LRBA: variants seen among roughly 807,000 people sequenced by gnomAD.
The protein encoded by LRBA is LPS responsive beige-like anchor protein.
LRBA carries 176 observed loss-of-function variants against 330.0 expected under a neutral mutation model. The observed-to-expected ratio is 0.53, with a 90% confidence interval of 0.47 to 0.60. The LOEUF is 0.60. Ranked by LOEUF, LRBA falls within the 20% of genes least tolerant of loss-of-function variation. LRBA has a pLI of 0.00. For synonymous variants in LRBA, 1,230 were observed against 1,193.0 expected, an observed-to-expected ratio of 1.03 and a Z score of -0.64; for missense variants, 3,259 against 3,444.8, an observed-to-expected ratio of 0.95 and a Z score of 1.35.
At chr4:150,591,557 G>T (rs542663385) in intron 38 of LRBA, among the ~76,000 whole-genome samples, 1 of 152,226 alleles carries the variant, frequency 6.6e-6, no homozygotes, top group African/African-American at 2.4e-5. Flanking sequence ...AAACTAAGTG[G>T]AAGCTCAAAC....
chr4:150,452,473 T>A (rs558798466), intron 44 of LRBA, among the ~76,000 whole-genome samples: 1 of 151,936 alleles, frequency 6.6e-6, no homozygotes, highest in African/African-American at 2.4e-5. Context: ...AATACAAAAA[T>A]TAGCCGCGTG....
At chr4:150,538,620 A>G (rs1764948763) in intron 40 of LRBA, among the ~76,000 whole-genome samples, 1 of 152,044 alleles carries the variant, frequency 6.6e-6, no homozygotes, top group Non-Finnish European at 1.5e-5. Flanking sequence ...GGAACAAGAG[A>G]GATTAGAGAC....
At chr4:150,413,081 T>A (rs1243033065) in intron 47 of LRBA, among the ~76,000 whole-genome samples, 1 of 151,802 alleles carries the variant, frequency 6.6e-6, no homozygotes. Context: ...AGAAAATATA[T>A]ATATATATGA....
intron 37 of LRBA, among the ~76,000 whole-genome samples, chr4:150,617,452 G>T (rs538061948): frequency 1.3e-5 from 2 of 152,182 alleles, no homozygotes; most frequent in East Asian, 3.9e-4. Flanking sequence ...GACCAGGCTG[G>T]CCAACATGGT....
chr4:150,619,480 C>CT (rs1273913022), intron 37 of LRBA, among the ~76,000 whole-genome samples: 1 of 152,094 alleles, frequency 6.6e-6, no homozygotes, highest in African/African-American at 2.4e-5. Context: ...GTTATAAACA[C>CT]TTTTCCTAAC....
At chr4:150,874,607 T>A (rs577457117) in intron 17 of LRBA, among the ~76,000 whole-genome samples, 2 of 152,200 alleles carry the variant, frequency 1.3e-5, no homozygotes, top group Admixed American at 1.3e-4. Flanking sequence ...GGAACCAGTC[T>A]GCATGTGTCA....
rs565906864 is a variant in LRBA, at chr4:150,676,764, T to C, written c.5921+6787A>G. ...GAATACTTCTGAAAATTTCTGGTTATAGCAAAAATTACTACAGAGACTTAA... is the reference window on the plus strand; with the variant it reads ...GAATACTTCTGAAAATTTCTGGTTACAGCAAAAATTACTACAGAGACTTAA... On this transcript the variant is annotated intron_variant, in intron 37 of 56. Transcript: ENST00000651943. Among the ~76,000 whole-genome samples, 26 of 152,324 alleles carry C rather than the reference T, an allele frequency of 1.7e-4. No individual in the cohort carries two copies. In the South Asian group the frequency reaches 4.3e-3, roughly 25 times the overall value.
intron 37 of LRBA, among the ~76,000 whole-genome samples, chr4:150,654,337 C>A (rs1779975321): frequency 6.6e-6 from 1 of 152,042 alleles, no homozygotes; most frequent in African/African-American, 2.4e-5. Context: ...CAAGTGCCTG[C>A]CACCATGCCT....
chr4:150,892,198 T>G (rs1729541753), intron 17 of LRBA, among the ~76,000 whole-genome samples: 1 of 152,246 alleles, frequency 6.6e-6, no homozygotes, highest in Non-Finnish European at 1.5e-5. Context: ...CTTGCCCACT[T>G]TCTCATTAAA....
At chr4:150,477,468 GA>G (rs1160449776) in intron 42 of LRBA, among the ~76,000 whole-genome samples, 1 of 152,026 alleles carries the variant, frequency 6.6e-6, no homozygotes, top group Non-Finnish European at 1.5e-5. Flanking sequence ...GGAGAACCAA[GA>G]AAAAATTAAA....
chr4:150,822,388 T>C (rs1251869464), intron 30 of LRBA, among the ~76,000 whole-genome samples: 1 of 152,220 alleles, frequency 6.6e-6, no homozygotes, highest in Non-Finnish European at 1.5e-5. Context: ...AATGTAACTA[T>C]ATTAACATAT....
rs761898714 is a variant in LRBA at position 150,959,751 on chromosome 4, CAT to C, written c.217-30688_217-30687del. ...TATATAATATTTATATAATATGTAA[CAT>C]AGTGTAAATCTAATATACTTATTAT... On this transcript the variant is annotated intron_variant, in intron 2 of 56. Coordinates refer to ENST00000651943, the MANE Select transcript of LRBA (RefSeq NM_001364905.1). Among the ~76,000 whole-genome samples, 150 of 145,102 alleles carry C rather than the reference CAT, an allele frequency of 1.0e-3. 4 individuals are homozygous for C. The highest frequency in any genetic ancestry group is 1.5e-3 in the Non-Finnish European group (102 of 67,296).
At chr4:150,675,294 C>G (rs1782432961) in intron 37 of LRBA, among the ~76,000 whole-genome samples, 1 of 152,224 alleles carries the variant, frequency 6.6e-6, no homozygotes, top group African/African-American at 2.4e-5. Context: ...ACTCAATATA[C>G]TAGCCTTTGG....
chr4:150,528,366 T>C (rs1007031398), intron 40 of LRBA, among the ~76,000 whole-genome samples: 9 of 151,654 alleles, frequency 5.9e-5, no homozygotes, highest in African/African-American at 2.2e-4. Context: ...CCAGGCGTGG[T>C]GGTGGGCGCC....
intron 17 of LRBA, among the ~76,000 whole-genome samples, chr4:150,876,313 T>C (rs1454740469): frequency 6.6e-6 from 1 of 152,046 alleles, no homozygotes; most frequent in Non-Finnish European, 1.5e-5. Flanking sequence ...TGTGAGGAAA[T>C]AATTCAAGTT....
At chr4:150,572,259 G>A (rs1228677637) in intron 40 of LRBA, among the ~76,000 whole-genome samples, 1 of 151,936 alleles carries the variant, frequency 6.6e-6, no homozygotes, top group Admixed American at 6.6e-5. Context: ...AAGTCAAACA[G>A]CAACTGCTTA....
rs1560850452 is a variant in LRBA, at chr4:150,809,922, TAC to T, written c.5306-1526_5306-1525del. 1.8e-3 allele frequency among the ~76,000 whole-genome samples: 228 copies of T among 126,628 alleles called. 1 individual carries two copies. Among genetic ancestry groups the T allele is most frequent in the African/African-American group, 6.4e-3 (214 of 33,222 alleles). 83.1% of individuals were successfully genotyped at this position (126,628 alleles called of 152,430 possible). ...TACGATACGATACGATACGATACGATACGATACGATACTTCCCTCTGCTTCAC... is the reference window on the plus strand; with the variant it reads ...TACGATACGATACGATACGATACGATGATACGATACTTCCCTCTGCTTCAC... On this transcript the variant is annotated intron_variant, in intron 31 of 56. Transcript: ENST00000651943.
chr4:150,390,991 C>T (rs1041603462), intron 47 of LRBA, among the ~76,000 whole-genome samples: 1 of 152,184 alleles, frequency 6.6e-6, no homozygotes, highest in African/African-American at 2.4e-5. Context: ...TCCTCCCTTG[C>T]AGTTTTAGGA....
At chr4:150,555,791 A>ACACACACACACACAC (rs1767244716) in intron 40 of LRBA, among the ~76,000 whole-genome samples, 2 of 151,712 alleles carry the variant, frequency 1.3e-5, no homozygotes, top group Non-Finnish European at 1.5e-5. Flanking sequence ...ACACACAAAC[A>ACACACACACACACAC]AATAGAATCT....
Sources: gnomAD v4.1 joint callset for allele counts (sites outside exome capture counted in the v4.1 genomes callset) on GRCh38, gnomAD v4.1.1 for gene constraint, MANE v1.5 for transcripts, NCBI Gene and HGNC (gene_info 2026-07-23, HGNC 2026-07-21) for gene names.